ANO10: variants seen among roughly 807,000 people sequenced by gnomAD.
ANO10 encodes the protein anoctamin-10.
Under a neutral mutation model 74.7 loss-of-function variants are expected in ANO10, and 77 were observed. The observed-to-expected ratio is 1.03, with a 90% CI of 0.86 to 1.25. The LOEUF is 1.25. Ranked by LOEUF, ANO10 falls within the 50% of genes most tolerant of loss-of-function variation. The probability of loss-of-function intolerance (pLI) is 0.00; values close to 1 mark genes in which losing one functional copy is unlikely to be tolerated. For missense variants in ANO10, 721 were observed against 778.1 expected (o/e 0.93, Z 0.87); for synonymous variants, 279 against 284.9 (o/e 0.98, Z 0.21).
At chr3:43,459,923 G>C (rs2075306046) in intron 11 of ANO10, among the ~76,000 whole-genome samples, 1 of 152,172 alleles carries the variant, frequency 6.6e-6, no homozygotes, top group South Asian at 2.1e-4. Flanking sequence ...GGCAGCATGG[G>C]ATTAGGAATC....
At chr3:43,582,081 G>A (rs1244880848) in intron 4 of ANO10, among the ~76,000 whole-genome samples, 1 of 152,082 alleles carries the variant, frequency 6.6e-6, no homozygotes, top group Non-Finnish European at 1.5e-5. Flanking sequence ...TGTTACCAGA[G>A]ACAGATGATA....
intron 2 of ANO10, 92 bp from the exon 3 acceptor site, chr3:43,600,673 T>C: frequency 2.7e-6 from 3 of 1,125,200 alleles, no homozygotes; most frequent in Middle Eastern, 2.3e-4. Context: ...TCTAGTCTGG[T>C]AGAAGAAAAA....
intron 12 of ANO10, among the ~76,000 whole-genome samples, chr3:43,421,752 T>G (rs2092822840): frequency 6.6e-6 from 1 of 151,962 alleles, no homozygotes; most frequent in African/African-American, 2.4e-5. Flanking sequence ...GAAGCAGGAT[T>G]GTTTGAGCCT....
At position 43,682,754 on chromosome 3, in the gene ANO10, T is replaced by TG. The variant is rs2084218206; in HGVS notation, c.-12+8762dup. On this transcript the variant is annotated intron_variant, in intron 1 of 3. Transcript: ENST00000413397. ...ACCATGATCAAGTGGGCTTCATCCC[T>TG]GGGATGGAAGGCTAGTTCAACATAC... Among the ~76,000 whole-genome samples the TG allele has an allele frequency of 2.6e-5, 4 of 152,358 alleles. No individual in the cohort carries two copies. In the South Asian group the frequency reaches 6.2e-4, roughly 24 times the overall value.
At chr3:43,435,568 T>C (rs1007947096) in intron 11 of ANO10, among the ~76,000 whole-genome samples, 1 of 150,600 alleles carries the variant, frequency 6.6e-6, no homozygotes, top group African/African-American at 2.4e-5. Flanking sequence ...ATTCTGCAAA[T>C]ATGTGGAAAG....
At chr3:43,520,433 A>T (rs541542694) in intron 11 of ANO10, among the ~76,000 whole-genome samples, 1 of 152,264 alleles carries the variant, frequency 6.6e-6, no homozygotes, top group East Asian at 1.9e-4. Flanking sequence ...TTTTAGGGGG[A>T]TAGAAACAGA....
At chr3:43,532,288 C>A (rs1011097978) in intron 11 of ANO10, among the ~76,000 whole-genome samples, 1 of 152,166 alleles carries the variant, frequency 6.6e-6, no homozygotes, top group African/African-American at 2.4e-5. Flanking sequence ...GCTTAAAATT[C>A]TTTCCAAAGA....
chr3:43,669,658 G>A (rs975511353), intron 1 of ANO10, among the ~76,000 whole-genome samples: 4 of 152,084 alleles, frequency 2.6e-5, no homozygotes, highest in Non-Finnish European at 5.9e-5. Context: ...ATGTTTGGAT[G>A]GAGTGGCAAC....
intron 12 of ANO10, among the ~76,000 whole-genome samples, chr3:43,415,244 T>C (rs1002460961): frequency 5.3e-5 from 8 of 152,056 alleles, no homozygotes; most frequent in Non-Finnish European, 8.8e-5. Context: ...CCTCAAGTGC[T>C]GGGATTACAG....
At chr3:43,451,219 G>T (rs905121628) in intron 11 of ANO10, among the ~76,000 whole-genome samples, 1 of 152,138 alleles carries the variant, frequency 6.6e-6, no homozygotes, top group African/African-American at 2.4e-5. Flanking sequence ...AGAACTGAAG[G>T]AATTATTCTC....
chr3:43,496,837 CTCT>C (rs2076936048), intron 11 of ANO10, among the ~76,000 whole-genome samples: 2 of 152,082 alleles, frequency 1.3e-5, no homozygotes, highest in African/African-American at 4.8e-5. Context: ...TCAAATCCTC[CTCT>C]GATTTTTGTT....
chr3:43,685,710 T>C (rs76018548), intron 1 of ANO10, among the ~76,000 whole-genome samples: 19 of 152,276 alleles, frequency 1.2e-4, no homozygotes, highest in Non-Finnish European at 2.1e-4. Context: ...CAGCCTTTTT[T>C]ATTGATGAGC....
intron 12 of ANO10, among the ~76,000 whole-genome samples, chr3:43,414,781 T>C (rs2148899429): frequency 6.6e-6 from 1 of 152,234 alleles, no homozygotes; most frequent in African/African-American, 2.4e-5. Context: ...AGCATGGAAA[T>C]ATTTTATATC....
chr3:43,491,520 A>G (rs1444061413), intron 11 of ANO10, among the ~76,000 whole-genome samples: 4 of 152,106 alleles, frequency 2.6e-5, no homozygotes, highest in African/African-American at 9.7e-5. Context: ...TCTCCAAGAA[A>G]AAACAACAAA....
chr3:43,621,132 C>G (rs1029232532), intron 1 of ANO10, among the ~76,000 whole-genome samples: 1 of 152,164 alleles, frequency 6.6e-6, no homozygotes, highest in Admixed American at 6.5e-5. Flanking sequence ...TAAACCTCAG[C>G]TGCACTTTTT....
chr3:43,470,361 T>C (rs1336284750), intron 11 of ANO10, among the ~76,000 whole-genome samples: 1 of 152,148 alleles, frequency 6.6e-6, no homozygotes, highest in East Asian at 1.9e-4. Flanking sequence ...TTGTTTTTGT[T>C]TTTTCTTTTT....
rs558352859 is a variant in ANO10 at position 43,516,066 on chromosome 3, A to G, written c.1797+33654T>C. On this transcript the variant is annotated intron_variant, in intron 11 of 12. Coordinates refer to ENST00000292246, the MANE Select transcript of ANO10 (RefSeq NM_018075.5). ...ACGACCTTACATTAGCAACACCCCA[A>G]TTGAGCACCAACCATGTGCTCAGTA... Among the ~76,000 whole-genome samples the G allele has an allele frequency of 4.7e-4, 71 of 152,232 alleles. 1 individual carries two copies. Among genetic ancestry groups the G allele is most frequent in the Middle Eastern group, 3.4e-3 (1 of 294 alleles).
intron 12 of ANO10, among the ~76,000 whole-genome samples, chr3:43,394,051 T>C (rs4128529): frequency 0.06 from 9,098 of 152,258 alleles, 361 homozygotes; most frequent in Admixed American, 0.11. Flanking sequence ...ACTTTTTTTT[T>C]CTGTCACTTC....
intron 11 of ANO10, among the ~76,000 whole-genome samples, chr3:43,543,303 A>G (rs1553706416): frequency 6.6e-6 from 1 of 152,214 alleles, no homozygotes; most frequent in South Asian, 2.1e-4. Flanking sequence ...CCTGTGAGTC[A>G]GGGCACAAAA....
Sources: gnomAD v4.1 joint callset for allele counts (sites outside exome capture counted in the v4.1 genomes callset) on GRCh38, gnomAD v4.1.1 for gene constraint, MANE v1.5 for transcripts, NCBI Gene and HGNC (gene_info 2026-07-23, HGNC 2026-07-21) for gene names.